The following PADI1 variants were observed in gnomAD, a reference collection of about 807,000 sequenced individuals.
The protein encoded by PADI1 is protein-arginine deiminase type-1.
Under a neutral mutation model 74.8 loss-of-function variants are expected in PADI1, and 65 were observed. The ratio of observed to expected loss-of-function variants is 0.87; its 90% CI spans 0.71 to 1.07. PADI1 has a LOEUF of 1.07. PADI1 is among the 50% of genes least tolerant of loss of function. The pLI, the probability that PADI1 is intolerant of heterozygous loss-of-function variation, is 0.00. For synonymous variants in PADI1, 371 were observed against 336.2 expected (o/e 1.10, Z -1.13); for missense variants, 943 against 854.0 (o/e 1.10, Z -1.30).
intron 11 of PADI1, among the ~76,000 whole-genome samples, chr1:17,233,767 G>A (rs34130414): frequency 0.4 from 60,564 of 152,066 alleles, 12,714 homozygotes; most frequent in African/African-American, 0.52. Context: ...TGACCATCTG[G>A]TCTCCAGCCC....
chr1:17,207,081 T>C (rs999113461), intron 1 of PADI1, among the ~76,000 whole-genome samples: 3 of 152,190 alleles, frequency 2.0e-5, no homozygotes, highest in African/African-American at 7.2e-5. Flanking sequence ...CTTCTTCTTA[T>C]TTCAGGCTTC....
intron 13 of PADI1, among the ~76,000 whole-genome samples, chr1:17,238,947 G>A (rs906934920): frequency 6.6e-6 from 1 of 152,218 alleles, no homozygotes; most frequent in African/African-American, 2.4e-5. Context: ...GCATGTTCTT[G>A]TTCTCACTCC....
rs763857559 is a variant in PADI1 at position 17,226,097 on chromosome 1, C to A, written c.591C>A (p.His197Gln). The A allele has an allele frequency of 5.6e-5, 91 of 1,614,172 alleles. No homozygotes were observed. The South Asian group carries it at 9.1e-4, about 16-fold the overall frequency. ...GCCCCGACAAGCTCTTCGACAGCCA[C>A]AAGCTTGTCTTGAACGTGCCCTTTT... ...CNGPDKLFDS[H>Q]KLVLNVPFSD... is the part of the protein sequence containing the mutation. The change falls in exon 6 of 16, where the codon CAC becomes CAA. Residue 197 changes from histidine to glutamine, a missense_variant. His to Gln is a conservative substitution (Grantham distance 24, BLOSUM62 0). Transcript: ENST00000375471.
At chr1:17,229,101 G>GCTTCTGTCCCTACCTCT in intron 8 of PADI1, 50 bp downstream of exon 8, 1 of 1,195,394 alleles carries the variant, frequency 8.4e-7, no homozygotes, top group Non-Finnish European at 1.2e-6. Context: ...TGCAGAGGTA[G>GCTTCTGTCCCTACCTCT]GGACAGAAGC....
At chr1:17,210,505 C>T (rs2071806492) in intron 1 of PADI1, among the ~76,000 whole-genome samples, 1 of 152,114 alleles carries the variant, frequency 6.6e-6, no homozygotes, top group Non-Finnish European at 1.5e-5. Flanking sequence ...TGTCCCTCTT[C>T]TCCAGCCTCC....
At chr1:17,230,247 C>G (rs772296228) in intron 9 of PADI1, 39 bp downstream of exon 9, 2 of 1,598,298 alleles carry the variant, frequency 1.3e-6, no homozygotes, top group Non-Finnish European at 1.7e-6. Context: ...TGCAGCCTGG[C>G]TTGGGGAAAG....
chr1:17,215,705 C>A (rs2071959064), intron 1 of PADI1, among the ~76,000 whole-genome samples: 1 of 152,196 alleles, frequency 6.6e-6, no homozygotes. Flanking sequence ...GAAAGCCACT[C>A]CACCATCCTG....
Position 17,232,875 on chromosome 1 carries a change from T to G in PADI1, c.1218T>G (p.Leu406=). 6.2e-7 allele frequency: 1 copy of G among 1,613,678 alleles called. No individual in the cohort carries two copies. Among genetic ancestry groups the G allele is most frequent in the Non-Finnish European group, 8.5e-7 (1 of 1,179,976 alleles). ...TCCCGCTCCCTGGTCCCTCCAGCCTTGACTCCTTCGGCAACCTGGACGTCA... is the reference window on the plus strand; with the variant it reads ...TCCCGCTCCCTGGTCCCTCCAGCCTGGACTCCTTCGGCAACCTGGACGTCA... ...REIPLPGPSS[L]DSFGNLDVSP... is the part of the protein sequence containing the mutation. The change falls in exon 11 of 16, where the codon CTT becomes CTG. Residue 406 remains leucine, a synonymous_variant. Coordinates refer to ENST00000375471, the MANE Select transcript of PADI1 (RefSeq NM_013358.3).
intron 10 of PADI1, among the ~76,000 whole-genome samples, chr1:17,232,396 C>G (rs900596988): frequency 6.6e-6 from 1 of 152,210 alleles, no homozygotes; most frequent in African/African-American, 2.4e-5. Context: ...TGCCCCACCA[C>G]GCTCAGTTTA....
intron 1 of PADI1, among the ~76,000 whole-genome samples, chr1:17,220,748 C>T (rs780545314): frequency 7.9e-5 from 12 of 152,308 alleles, no homozygotes; most frequent in East Asian, 1.9e-4. Flanking sequence ...AGAGTGTGAG[C>T]GCCACAGGCT....
rs181430520 is a variant in PADI1, at chr1:17,219,616, G to A, written c.93-2674G>A. 3.4e-3 allele frequency among the ~76,000 whole-genome samples: 519 copies of A among 152,240 alleles called. 2 individuals carry two copies. The highest frequency in any genetic ancestry group is 0.011 in the African/African-American group (469 of 41,514). ...GAAGTATAAACTGGTGACGGCAGCC[G>A]GCTGAGGAACATGGCAGGAGCTGGC... On this transcript the variant is annotated intron_variant, in intron 1 of 15. Transcript: ENST00000375471.
At chr1:17,232,352 C>CA (rs1278180104) in intron 10 of PADI1, among the ~76,000 whole-genome samples, 1 of 152,178 alleles carries the variant, frequency 6.6e-6, no homozygotes, top group Non-Finnish European at 1.5e-5. Flanking sequence ...GCCATCCTCC[C>CA]ACTTCACCCC....
chr1:17,207,855 G>A (rs1330693046), intron 1 of PADI1, among the ~76,000 whole-genome samples: 3 of 152,232 alleles, frequency 2.0e-5, no homozygotes, highest in African/African-American at 7.2e-5. Context: ...CATAGCTACT[G>A]AGAGCCTCCA....
chr1:17,208,781 G>T (rs2100391438), intron 1 of PADI1, among the ~76,000 whole-genome samples: 2 of 152,342 alleles, frequency 1.3e-5, no homozygotes, highest in East Asian at 3.9e-4. Flanking sequence ...ATAAAGACAG[G>T]GGTGGGAAGT....
At chr1:17,230,494 C>A in intron 9 of PADI1, 78 bp from the exon 10 acceptor site, 1 of 1,015,060 alleles carries the variant, frequency 9.9e-7, no homozygotes, top group Non-Finnish European at 1.5e-6. Flanking sequence ...TGCCCTGCCC[C>A]AGGCCTGGTG....
intron 1 of PADI1, among the ~76,000 whole-genome samples, chr1:17,217,058 G>T (rs895968892): frequency 6.7e-6 from 1 of 148,844 alleles, no homozygotes; most frequent in South Asian, 2.2e-4. Flanking sequence ...GGGAGGGAGG[G>T]GAGGAGAGGA....
intron 14 of PADI1, 132 bp from the exon 15 acceptor site, chr1:17,240,503 G>A: frequency 2.1e-6 from 2 of 967,080 alleles, no homozygotes; most frequent in Non-Finnish European, 3.1e-6. Flanking sequence ...GGTTTCTATT[G>A]CACAAAGCTG....
Position 17,244,060 on chromosome 1 carries a change from G to T in PADI1, c.1809G>T (p.Gly603=). ...ACCTGGGCATCCCCAAGCCCTACGGGCCCATCATCAATGGCCGCTGCTGCC... is the reference window on the plus strand; with the variant it reads ...ACCTGGGCATCCCCAAGCCCTACGGTCCCATCATCAATGGCCGCTGCTGCC... ...GKYLGIPKPY[G]PIINGRCCLE... The change falls in exon 16 of 16, where the codon GGG becomes GGT. Residue 603 remains glycine, a synonymous_variant. Transcript: ENST00000375471. 1 of 1,614,216 alleles carries T rather than the reference G, an allele frequency of 6.2e-7. No individual in the cohort carries two copies. Among genetic ancestry groups the T allele is most frequent in the Non-Finnish European group, 8.5e-7 (1 of 1,180,048 alleles).
intron 11 of PADI1, among the ~76,000 whole-genome samples, chr1:17,235,934 G>A (rs934468903): frequency 2.0e-5 from 3 of 152,220 alleles, no homozygotes; most frequent in Non-Finnish European, 2.9e-5. Context: ...CTCCTGTGTG[G>A]ACGTGTCCCC....
Sources: allele counts gnomAD v4.1 joint callset (sites outside exome capture counted in the v4.1 genomes callset), GRCh38; gene constraint gnomAD v4.1.1; transcripts MANE v1.5; gene names NCBI Gene and HGNC (gene_info 2026-07-23, HGNC 2026-07-21).